The following MAPKAP1 variants were observed in gnomAD, a reference collection of about 807,000 sequenced individuals.
The protein encoded by MAPKAP1 is target of rapamycin complex 2 subunit MAPKAP1.
MAPKAP1 carries 20 observed loss-of-function variants against 65.7 expected under a neutral mutation model. The observed-to-expected ratio is 0.30, with a 90% confidence interval of 0.21 to 0.44. The LOEUF (loss-of-function observed/expected upper bound fraction) is 0.44, where lower values mean the gene tolerates loss of function less well. MAPKAP1 is among the 20% of genes least tolerant of loss of function. The pLI is 1.00. For synonymous variants in MAPKAP1, 222 were observed against 244.3 expected, an observed-to-expected ratio of 0.91 and a Z score of 0.85; for missense variants, 423 against 648.0, an observed-to-expected ratio of 0.65 and a Z score of 3.77.
intron 5 of MAPKAP1, among the ~76,000 whole-genome samples, chr9:125,581,555 G>A (rs1365944630): frequency 1.3e-5 from 2 of 152,212 alleles, no homozygotes; most frequent in South Asian, 2.1e-4. Flanking sequence ...CTACTGTTGG[G>A]TTCTCAGTTC....
intron 10 of MAPKAP1, among the ~76,000 whole-genome samples, chr9:125,457,036 T>C (rs1404674373): frequency 6.6e-6 from 1 of 151,378 alleles, no homozygotes; most frequent in Non-Finnish European, 1.5e-5. Context: ...CTGTCCAGGC[T>C]GGAGTACAGT....
At chr9:125,454,611 T>C (rs1853097662) in intron 10 of MAPKAP1, among the ~76,000 whole-genome samples, 1 of 152,226 alleles carries the variant, frequency 6.6e-6, no homozygotes, top group Non-Finnish European at 1.5e-5. Context: ...AAAGGCTCTA[T>C]GTTGTGCCAC....
intron 6 of MAPKAP1, among the ~76,000 whole-genome samples, chr9:125,551,479 C>A (rs759487327): frequency 2.0e-5 from 3 of 152,160 alleles, no homozygotes; most frequent in Non-Finnish European, 4.4e-5. Flanking sequence ...CTAAGACCTT[C>A]CACTGTTACC....
At chr9:125,459,854 G>GGGGAGAGGAAGAGGGAGA (rs1853408376) in intron 10 of MAPKAP1, among the ~76,000 whole-genome samples, 1 of 127,356 alleles carries the variant, frequency 7.9e-6, no homozygotes, top group African/African-American at 3.0e-5. Context: ...GGGAGACCGT[G>GGGGAGAGGAAGAGGGAGA]GGGAGAGGGA....
At chr9:125,496,126 G>A (rs190254309) in intron 8 of MAPKAP1, among the ~76,000 whole-genome samples, 3 of 152,246 alleles carry the variant, frequency 2.0e-5, no homozygotes, top group Non-Finnish European at 4.4e-5. Flanking sequence ...CCACAAAGAA[G>A]GAGGACTTGT....
At chr9:125,464,456 G>GT (rs890264568) in intron 10 of MAPKAP1, among the ~76,000 whole-genome samples, 1 of 151,868 alleles carries the variant, frequency 6.6e-6, no homozygotes, top group Non-Finnish European at 1.5e-5. Context: ...ATGGCAGCAT[G>GT]TTTTTTTTCT....
Position 125,613,107 on chromosome 9 carries a change from C to T in MAPKAP1, c.499-27380G>A, listed in dbSNP as rs533211274. Among the ~76,000 whole-genome samples, 11 of 152,228 alleles carry T rather than the reference C, an allele frequency of 7.2e-5. No individual in the cohort carries two copies. The South Asian group carries it at 1.5e-3, about 20-fold the overall frequency. ...CTTGAAGAGACAGATGAGTGTTAGT[C>T]ATGACCTCAAGACCAGTGGTAGAAA... On this transcript the variant is annotated intron_variant, in intron 4 of 11. Transcript: ENST00000265960.
intron 1 of MAPKAP1, among the ~76,000 whole-genome samples, chr9:125,701,232 T>C (rs552728209): frequency 1.3e-5 from 2 of 152,126 alleles, no homozygotes; most frequent in Non-Finnish European, 2.9e-5. Flanking sequence ...TTAAAATGAG[T>C]CCGCAGGGAA....
chr9:125,474,669 T>C (rs1010953686), intron 9 of MAPKAP1, among the ~76,000 whole-genome samples: 2 of 152,188 alleles, frequency 1.3e-5, no homozygotes, highest in Non-Finnish European at 2.9e-5. Flanking sequence ...CCTATGGTAC[T>C]CTTAAAATAC....
intron 1 of MAPKAP1, among the ~76,000 whole-genome samples, chr9:125,679,419 C>T (rs567468174): frequency 2.6e-5 from 4 of 152,122 alleles, no homozygotes; most frequent in South Asian, 4.1e-4. Context: ...GTAGAGTAAA[C>T]CCTTAGCTCC....
chr9:125,612,613 T>G (rs990205823), intron 4 of MAPKAP1, among the ~76,000 whole-genome samples: 2 of 152,232 alleles, frequency 1.3e-5, no homozygotes, highest in African/African-American at 4.8e-5. Context: ...AGCATTCATG[T>G]ACAAATCTTT....
At chr9:125,478,476 C>T (rs527908464) in intron 9 of MAPKAP1, among the ~76,000 whole-genome samples, 20 of 152,086 alleles carry the variant, frequency 1.3e-4, no homozygotes, top group South Asian at 4.2e-4. Context: ...CACAGGTATG[C>T]GCCACCACAC....
chr9:125,448,973 C>T (rs953426134), intron 10 of MAPKAP1, among the ~76,000 whole-genome samples: 15 of 136,160 alleles, frequency 1.1e-4, no homozygotes, highest in Non-Finnish European at 2.0e-4. Context: ...CCACAGCACT[C>T]TGGCCTGGGT....
At chr9:125,701,806 G>A (rs924778014) in intron 1 of MAPKAP1, among the ~76,000 whole-genome samples, 10 of 152,200 alleles carry the variant, frequency 6.6e-5, no homozygotes, top group African/African-American at 2.4e-4. Flanking sequence ...AGTGTTATAA[G>A]GTCATCTCAC....
chr9:125,567,287 G>A (rs141387925), intron 5 of MAPKAP1, among the ~76,000 whole-genome samples: 1,927 of 152,286 alleles, frequency 0.013, 15 homozygotes, highest in Non-Finnish European at 0.018. Context: ...GATGGTTAAG[G>A]CATTTGGATG....
chr9:125,658,828 T>C (rs1322779074), intron 3 of MAPKAP1, among the ~76,000 whole-genome samples: 1 of 152,196 alleles, frequency 6.6e-6, no homozygotes, highest in Non-Finnish European at 1.5e-5. Context: ...TTAAAGTTTT[T>C]AAATAAATCA....
intron 4 of MAPKAP1, among the ~76,000 whole-genome samples, chr9:125,610,011 C>A (rs983636565): frequency 6.6e-6 from 1 of 152,160 alleles, no homozygotes; most frequent in Non-Finnish European, 1.5e-5. Context: ...GATGGAAACC[C>A]GCCTCTGACT....
At chr9:125,601,981 T>C (rs1371363288) in intron 4 of MAPKAP1, among the ~76,000 whole-genome samples, 2 of 152,146 alleles carry the variant, frequency 1.3e-5, no homozygotes, top group African/African-American at 4.8e-5. Flanking sequence ...GAAATATAAA[T>C]AGCAGCTCAC....
intron 5 of MAPKAP1, among the ~76,000 whole-genome samples, chr9:125,569,579 G>A (rs927628601): frequency 2.6e-5 from 4 of 152,132 alleles, no homozygotes; most frequent in African/African-American, 7.2e-5. Context: ...CTAAAAGGAC[G>A]TTATTAGAGA....
Sources: allele counts gnomAD v4.1 joint callset (sites outside exome capture counted in the v4.1 genomes callset), GRCh38; gene constraint gnomAD v4.1.1; transcripts MANE v1.5; gene names NCBI Gene and HGNC (gene_info 2026-07-23, HGNC 2026-07-21).